The following CDH4 variants were observed in gnomAD, a reference collection of about 807,000 sequenced individuals.
The protein encoded by CDH4 is cadherin-4.
CDH4 carries 33 observed loss-of-function variants against 86.0 expected under a neutral mutation model. The observed-to-expected ratio is 0.38, with a 90% CI of 0.29 to 0.51. The LOEUF (loss-of-function observed/expected upper bound fraction) is 0.51. Ranked by LOEUF, CDH4 falls within the 20% of genes least tolerant of loss-of-function variation. The pLI, the probability that CDH4 is intolerant of heterozygous loss-of-function variation, is 0.86. For missense variants in CDH4, 1,114 were observed against 1,307.4 expected (o/e 0.85, Z 2.28); for synonymous variants, 555 against 549.4 (o/e 1.01, Z -0.14).
At chr20:61,490,298 G>A (rs1039098411) in intron 2 of CDH4, among the ~76,000 whole-genome samples, 1 of 152,202 alleles carries the variant, frequency 6.6e-6, no homozygotes, top group Non-Finnish European at 1.5e-5. Context: ...AGGGTGTGCA[G>A]CCACATGGCT....
chr20:61,909,119 A>G (rs1325948284), intron 8 of CDH4, among the ~76,000 whole-genome samples: 1 of 152,162 alleles, frequency 6.6e-6, no homozygotes, highest in African/African-American at 2.4e-5. Flanking sequence ...TCTGCCCCTA[A>G]CAGTGCCTCA....
At chr20:61,409,544 C>T (rs6089274) in intron 2 of CDH4, among the ~76,000 whole-genome samples, 2 of 152,296 alleles carry the variant, frequency 1.3e-5, no homozygotes, top group East Asian at 3.9e-4. Flanking sequence ...CGGGACTCAC[C>T]GTCGCCACCG....
chr20:61,438,272 T>C (rs1452086451), intron 2 of CDH4, among the ~76,000 whole-genome samples: 1 of 152,132 alleles, frequency 6.6e-6, no homozygotes, highest in African/African-American at 2.4e-5. Context: ...TAGAAATAAA[T>C]AAACTCACCA....
At chr20:61,290,734 C>T (rs565996648) in intron 2 of CDH4, among the ~76,000 whole-genome samples, 3 of 152,296 alleles carry the variant, frequency 2.0e-5, no homozygotes, top group African/African-American at 7.2e-5. Context: ...GACCCAGCCA[C>T]CCACAGTGGG....
intron 2 of CDH4, among the ~76,000 whole-genome samples, chr20:61,346,156 G>C (rs1298752632): frequency 1.3e-5 from 2 of 152,304 alleles, no homozygotes; most frequent in East Asian, 3.9e-4. Flanking sequence ...GTCTCTCTCA[G>C]GGTGAGGTGG....
chr20:61,526,964 G>A (rs555104683), intron 2 of CDH4, among the ~76,000 whole-genome samples: 1 of 152,334 alleles, frequency 6.6e-6, no homozygotes, highest in East Asian at 1.9e-4. Context: ...TATGTCAAGC[G>A]TTCTACCGCC....
At chr20:61,507,532 C>T (rs2145608466) in intron 2 of CDH4, among the ~76,000 whole-genome samples, 1 of 152,270 alleles carries the variant, frequency 6.6e-6, no homozygotes, top group Admixed American at 6.5e-5. Flanking sequence ...GTGGAGTTCA[C>T]TGTGTCTCAG....
intron 2 of CDH4, among the ~76,000 whole-genome samples, chr20:61,337,384 AATG>A (rs928475793): frequency 3.2e-4 from 3 of 9,462 alleles, no homozygotes; most frequent in African/African-American, 1.2e-3. Flanking sequence ...TCATAATGAT[AATG>A]ATAATAAAAC....
intron 2 of CDH4, among the ~76,000 whole-genome samples, chr20:61,265,309 C>T (rs554267484): frequency 2.0e-5 from 3 of 148,980 alleles, no homozygotes; most frequent in East Asian, 2.0e-4. Context: ...CAATCTTACA[C>T]ATACCCCAGT....
In CDH4 at chr20:61,545,604, T is replaced by TTC. The variant is rs151163161; in HGVS notation, c.170-197955_170-197954dup. ...TTTCATGATCACCCTACAAATTCAT[T>TTC]TCTCTTTTTGTCTTTCACTGTCCAG... On this transcript the variant is annotated intron_variant, in intron 2 of 15. Transcript: ENST00000614565. Among the ~76,000 whole-genome samples the TTC allele has an allele frequency of 7.3e-3, 1,119 of 152,336 alleles. 13 individuals are homozygous for TTC. The highest frequency in any genetic ancestry group is 0.024 in the African/African-American group (1,018 of 41,576).
At chr20:61,643,309 T>C (rs1419175345) in intron 2 of CDH4, among the ~76,000 whole-genome samples, 1 of 152,226 alleles carries the variant, frequency 6.6e-6, no homozygotes, top group African/African-American at 2.4e-5. Flanking sequence ...CACGAATGGC[T>C]CTGCCCTCAT....
chr20:61,782,964 A>AAT (rs1978627133), intron 4 of CDH4, among the ~76,000 whole-genome samples: 1 of 152,196 alleles, frequency 6.6e-6, no homozygotes, highest in Admixed American at 6.5e-5. Context: ...ACATGCCTAT[A>AAT]ATCCCAGCTA....
intron 2 of CDH4, among the ~76,000 whole-genome samples, chr20:61,716,276 C>T (rs2087951939): frequency 6.6e-6 from 1 of 152,192 alleles, no homozygotes; most frequent in Non-Finnish European, 1.5e-5. Context: ...TGTGAGCCTC[C>T]CCTTGGCTGG....
At chr20:61,779,144 T>C (rs551830064) in intron 4 of CDH4, among the ~76,000 whole-genome samples, 1 of 152,200 alleles carries the variant, frequency 6.6e-6, no homozygotes, top group African/African-American at 2.4e-5. Flanking sequence ...ATGAAACTTT[T>C]AAGAAGAGCA....
At chr20:61,720,305 T>C (rs1218684583) in intron 2 of CDH4, among the ~76,000 whole-genome samples, 1 of 152,162 alleles carries the variant, frequency 6.6e-6, no homozygotes, top group Non-Finnish European at 1.5e-5. Flanking sequence ...CTGCTCCGGA[T>C]TCCACAGCTT....
At chr20:61,833,864 C>G (rs1190296240) in intron 4 of CDH4, among the ~76,000 whole-genome samples, 1 of 152,232 alleles carries the variant, frequency 6.6e-6, no homozygotes, top group Admixed American at 6.5e-5. Context: ...GAGATAAAAC[C>G]ATTTCCCAAA....
At chr20:61,547,258 G>T (rs984192541) in intron 2 of CDH4, among the ~76,000 whole-genome samples, 10 of 138,676 alleles carry the variant, frequency 7.2e-5, no homozygotes, top group Non-Finnish European at 4.6e-5. Context: ...TGTCTCCCAG[G>T]CTGGAGTGCA....
intron 5 of CDH4, 31 bp downstream of exon 5, chr20:61,844,854 C>T (rs1982363282): frequency 6.3e-7 from 1 of 1,586,370 alleles, no homozygotes; most frequent in South Asian, 1.1e-5. Context: ...GAGAATGGGG[C>T]CCTGGGGTGG....
intron 2 of CDH4, among the ~76,000 whole-genome samples, chr20:61,308,932 C>T (rs916873935): frequency 3.9e-5 from 6 of 152,234 alleles, no homozygotes; most frequent in African/African-American, 1.4e-4. Context: ...GAATTGATTC[C>T]TGCCTGGATC....
Sources: allele counts gnomAD v4.1 joint callset (sites outside exome capture counted in the v4.1 genomes callset), GRCh38; gene constraint gnomAD v4.1.1; transcripts MANE v1.5; gene names NCBI Gene and HGNC (gene_info 2026-07-23, HGNC 2026-07-21).